Variants in LGALS16 observed in about 807,000 individuals in gnomAD.
LGALS16 encodes the protein galectin-16.
LGALS16 carries 15 observed loss-of-function variants against 13.2 expected under a neutral mutation model. The ratio of observed to expected loss-of-function variants is 1.13; its 90% CI spans 0.76 to 1.75. The LOEUF (loss-of-function observed/expected upper bound fraction) is 1.75. Ranked by LOEUF, LGALS16 falls within the 40% of genes most tolerant of loss-of-function variation. LGALS16 has a pLI of 0.00. For missense variants in LGALS16, 198 were observed against 178.4 expected (o/e 1.11, Z -0.63); for synonymous variants, 66 against 65.4 (o/e 1.01, Z -0.05).
chr19:39,658,667 T>G lies in LGALS16; in HGVS notation c.300T>G (p.Tyr100Ter), dbSNP rs1909723835. Residue 100 changes from tyrosine (Y) to a stop codon, truncating the protein, a stop_gained, in exon 3 of 4, where the codon TAT becomes TAG. Coordinates refer to ENST00000392051, the MANE Select transcript of LGALS16 (RefSeq NM_001190441.3). LOFTEE classifies it low-confidence loss of function (END_TRUNC). Reference protein sequence around the residue: ...DLRIYVCHNEYEVKVNGEYIY... With the variant: ...DLRIYVCHNE ...GCATCTACGTGTGTCACAATGAGTA[T>G]GAGGTGAGCACCCCAGGAGCTCGCA... The G allele has an allele frequency of 6.4e-7, 1 of 1,568,364 alleles. No homozygotes were observed. Among genetic ancestry groups the G allele is most frequent in the Admixed American group, 1.8e-5 (1 of 54,410 alleles).
At chr19:39,658,239 C>A (rs1973217408) in intron 2 of LGALS16, among the ~76,000 whole-genome samples, 1 of 152,160 alleles carries the variant, frequency 6.6e-6, no homozygotes, top group Admixed American at 6.5e-5. Flanking sequence ...GTCACAGGCC[C>A]AGGTCAGTGA....
At chr19:39,656,012 G>T in intron 1 of LGALS16, 36 bp downstream of exon 1, 1 of 1,609,548 alleles carries the variant, frequency 6.2e-7, no homozygotes, top group South Asian at 1.1e-5. Context: ...ATAATCTCAA[G>T]TCACACAAAA....
chr19:39,658,397 G>C, intron 2 of LGALS16, 63 bp from the exon 3 acceptor site: 6 of 1,308,692 alleles, frequency 4.6e-6, no homozygotes, highest in Non-Finnish European at 6.4e-6. Context: ...ATTTGTGTGC[G>C]TGTCAAGTGT....
At chr19:39,658,781 C>A (rs1319454321) in intron 3 of LGALS16, 111 bp downstream of exon 3, 3 of 694,096 alleles carry the variant, frequency 4.3e-6, no homozygotes, top group Non-Finnish European at 7.5e-6. Flanking sequence ...CCCGTAACTA[C>A]CCCTGCCCCA....
chr19:39,656,080 G>C, intron 1 of LGALS16, 104 bp downstream of exon 1: 1 of 1,200,610 alleles, frequency 8.3e-7, no homozygotes, highest in Admixed American at 2.0e-5. Flanking sequence ...TACTGTGAAT[G>C]CTTTACTGAG....
chr19:39,658,751 C>G, intron 3 of LGALS16, 81 bp downstream of exon 3: 1 of 876,822 alleles, frequency 1.1e-6, no homozygotes, highest in Non-Finnish European at 1.8e-6. Flanking sequence ...CTGGCCTCAC[C>G]AGTCCCTCAG....
intron 3 of LGALS16, among the ~76,000 whole-genome samples, chr19:39,659,226 A>G (rs1973233271): frequency 6.6e-6 from 1 of 151,860 alleles, no homozygotes. Flanking sequence ...TAGCCTCCCA[A>G]GTAGATGGGA....
rs551664833 is a variant in LGALS16 at position 39,656,732 on chromosome 19, C to A, written c.15+756C>A. Reference sequence around the variant, plus strand: ...GATGGATCCTCAGGTGGGGTCTGCACAGAGTGACCACTGTCTCTTGCCTCC... The same window carrying A: ...GATGGATCCTCAGGTGGGGTCTGCAAAGAGTGACCACTGTCTCTTGCCTCC... On this transcript the variant is annotated intron_variant, in intron 1 of 3. Transcript: ENST00000392051. Among the ~76,000 whole-genome samples, 15 of 152,110 alleles carry A rather than the reference C, an allele frequency of 9.9e-5. No individual in the cohort carries two copies. The South Asian group carries it at 3.1e-3, about 32-fold the overall frequency.
intron 1 of LGALS16, 141 bp from the exon 2 acceptor site, chr19:39,657,742 C>A: frequency 2.2e-6 from 2 of 901,408 alleles, no homozygotes; most frequent in Non-Finnish European, 3.5e-6. Context: ...GAATGTGGGG[C>A]CCTGACTGTG....
chr19:39,657,687 G>A, intron 1 of LGALS16, 196 bp from the exon 2 acceptor site: 1 of 636,042 alleles, frequency 1.6e-6, no homozygotes, highest in East Asian at 2.7e-5. Context: ...AGGCTTCTTG[G>A]CTCCTGAACC....
At chr19:39,657,629 G>C (rs1462099434) in intron 1 of LGALS16, among the ~76,000 whole-genome samples, 1 of 152,100 alleles carries the variant, frequency 6.6e-6, no homozygotes, top group Non-Finnish European at 1.5e-5. Context: ...TCAAGTAACC[G>C]ATCTAAGATT....
rs779730328 is a variant in LGALS16, at chr19:39,657,960, G to A, written c.92+1G>A. On this transcript the variant is annotated splice_donor_variant, in intron 2 of 3. Transcript: ENST00000392051. LOFTEE classifies it high-confidence loss of function. ...AAGGGACACTGATCGACTCTTCTAT[G>A]TGAGTACTCCATGGTCCAATGGAGG... 7 of 1,613,774 alleles carry A rather than the reference G, an allele frequency of 4.3e-6. No homozygotes were observed. Among genetic ancestry groups the A allele is most frequent in the African/African-American group, 1.3e-5 (1 of 74,936 alleles).
intron 3 of LGALS16, among the ~76,000 whole-genome samples, chr19:39,659,866 G>C (rs1044950196): frequency 1.2e-4 from 18 of 152,110 alleles, no homozygotes; most frequent in Non-Finnish European, 2.4e-4. Context: ...AGAAGTTGTC[G>C]AAGATAATAT....
At chr19:39,659,250 T>TTTTTA (rs1203759462) in intron 3 of LGALS16, among the ~76,000 whole-genome samples, 1 of 152,036 alleles carries the variant, frequency 6.6e-6, no homozygotes. Flanking sequence ...CAGGCTGATT[T>TTTTTA]TTTTATTTTT....
Position 39,658,490 on chromosome 19 carries a change from C to G in LGALS16, c.123C>G (p.Tyr41Ter). Residue 41 changes from tyrosine to a stop codon, truncating the protein, a stop_gained, in exon 3 of 4, where the codon TAC becomes TAG. Coordinates refer to ENST00000392051, the MANE Select transcript of LGALS16 (RefSeq NM_001190441.3). LOFTEE classifies it high-confidence loss of function. ...AACCACAGCTGCAGGTGGATTTCTA[C>G]ACTGAGATGAATGAGGACTCAGAAA... ...INEPQLQVDFYTEMNEDSEIA... is the reference protein window; with the variant it reads ...INEPQLQVDF The G allele has an allele frequency of 6.2e-7, 1 of 1,603,686 alleles. No individual in the cohort carries two copies. Among genetic ancestry groups the G allele is most frequent in the South Asian group, 1.1e-5 (1 of 90,232 alleles).
At position 39,655,992 on chromosome 19, in the gene LGALS16, A is replaced by C. The variant is rs1436059743; in HGVS notation, c.15+16A>C. 6.2e-7 allele frequency: 1 copy of C among 1,612,886 alleles called. No homozygotes were observed. Among genetic ancestry groups the C allele is most frequent in the Non-Finnish European group, 8.5e-7 (1 of 1,179,428 alleles). On this transcript the variant is annotated intron_variant, in intron 1 of 3. Transcript: ENST00000392051. ...ATTTCTAACTGTGAGTTGAAAAGGC[A>C]CAGCCTTCAATAATCTCAAGTCACA...
chr19:39,659,558 G>A (rs1452358852), intron 3 of LGALS16, among the ~76,000 whole-genome samples: 1 of 152,020 alleles, frequency 6.6e-6, no homozygotes, highest in Non-Finnish European at 1.5e-5. Flanking sequence ...TTGTTTATTT[G>A]GGCATTGAAG....
At position 39,659,022 on chromosome 19, in the gene LGALS16, C is replaced by T. The variant is rs116191499; in HGVS notation, c.303+352C>T. Among the ~76,000 whole-genome samples, 910 of 151,712 alleles carry T rather than the reference C, an allele frequency of 6.0e-3. 13 individuals carry two copies. The highest frequency in any genetic ancestry group is 0.021 in the African/African-American group (851 of 41,350). ...TTCTATCAATCAAAAATTATGTCTT[C>T]GTCTCACTTTTGGGCCCCAATTCTA... is the stretch of plus-strand genomic sequence containing the variant. On this transcript the variant is annotated intron_variant, in intron 3 of 3. Coordinates refer to ENST00000392051, the MANE Select transcript of LGALS16 (RefSeq NM_001190441.3).
intron 1 of LGALS16, among the ~76,000 whole-genome samples, chr19:39,656,606 T>A (rs1973197700): frequency 6.6e-6 from 1 of 152,096 alleles, no homozygotes; most frequent in Admixed American, 6.5e-5. Context: ...GATTGTGAGT[T>A]ACCAAGGACT....
Sources: allele counts gnomAD v4.1 joint callset (sites outside exome capture counted in the v4.1 genomes callset), GRCh38; gene constraint gnomAD v4.1.1; transcripts MANE v1.5; gene names NCBI Gene and HGNC (gene_info 2026-07-23, HGNC 2026-07-21).